Variants in FAM228B observed in about 807,000 individuals in gnomAD.
FAM228B encodes the protein family with sequence similarity 228 member B, also known as protein FAM228B.
Under a neutral mutation model 42.6 loss-of-function variants are expected in FAM228B, and 38 were observed. That is an observed-to-expected ratio of 0.89 (90% CI 0.69 to 1.17). FAM228B has a LOEUF of 1.17. Among genes scored for constraint, FAM228B ranks in the 50% most tolerant of loss-of-function variants. The pLI is 0.00. For missense variants in FAM228B, 344 were observed against 367.3 expected (o/e 0.94, Z 0.52); for synonymous variants, 109 against 122.3 (o/e 0.89, Z 0.72).
rs201865216 is a variant in FAM228B at position 24,077,647 on chromosome 2, G to C, written c.-290+678G>C. 1.9e-4 allele frequency: 311 copies of C among 1,614,124 alleles called. 3 individuals are homozygous for C. In the Middle Eastern group the frequency reaches 8.9e-3, roughly 46 times the overall value. On this transcript the variant is annotated intron_variant, in intron 1 of 10. Coordinates refer to the FAM228B transcript ENST00000613899. This position sits in a 1 kb window ranked among gnomAD's most constrained non-coding sequence, Gnocchi z 5.5. The stretch of plus-strand genomic sequence containing the variant: ...GCCTCCATGTACTTATGGGCCTCCT[G>C]GATTTCGGTCACTGGGTAGATTCTG...
At chr2:24,079,645 CATAGGAAACAGATTTGTG>C (rs1456121550) in intron 1 of FAM228B, 2 of 1,612,320 alleles carry the variant, frequency 1.2e-6, no homozygotes, top group African/African-American at 1.3e-5. Flanking sequence ...CAGCACCTTC[CATAGGAAACAGATTTGTG>C]ATGCTAGTCA....
intron 2 of FAM228B, among the ~76,000 whole-genome samples, chr2:24,086,536 C>T (rs889564940): frequency 6.7e-6 from 1 of 149,836 alleles, no homozygotes; most frequent in Non-Finnish European, 1.5e-5. Flanking sequence ...CTTTCTCTCT[C>T]TCTCTTTTTT....
intron 7 of FAM228B, among the ~76,000 whole-genome samples, chr2:24,151,700 T>G (rs1667027187): frequency 1.3e-5 from 2 of 151,722 alleles, no homozygotes; most frequent in Non-Finnish European, 2.9e-5. Context: ...TTTTTTTTTT[T>G]GAGTCGGAGT....
chr2:24,093,053 G>T (rs1340359834), intron 2 of FAM228B, among the ~76,000 whole-genome samples: 1 of 151,908 alleles, frequency 6.6e-6, no homozygotes, highest in Non-Finnish European at 1.5e-5. Flanking sequence ...CTTACTCCAG[G>T]TGGTAGTCTG....
At chr2:24,138,754 G>C (rs1032952583) in intron 4 of FAM228B, among the ~76,000 whole-genome samples, 6 of 150,994 alleles carry the variant, frequency 4.0e-5, no homozygotes, top group African/African-American at 1.5e-4. Flanking sequence ...TTGGGAGTTC[G>C]AGACCAGCCT....
intron 3 of FAM228B, among the ~76,000 whole-genome samples, chr2:24,107,871 A>C (rs929349247): frequency 2.0e-5 from 3 of 152,234 alleles, no homozygotes; most frequent in Admixed American, 6.5e-5. Context: ...AGACCTAGGA[A>C]TGCATGAGCA....
Position 24,161,968 on chromosome 2 carries a change from G to A in FAM228B, c.794+355G>A, listed in dbSNP as rs547845492. ...ATAAAAATTAGCCAGGCGTGGTGGT[G>A]GGCAACTATAATCCCAGCTATCTGG... On this transcript the variant is annotated intron_variant, in intron 8 of 10. Coordinates refer to ENST00000615575, the MANE Select transcript of FAM228B (RefSeq NM_001145710.2). Among the ~76,000 whole-genome samples, 3 of 151,652 alleles carry A rather than the reference G, an allele frequency of 2.0e-5. No homozygotes were observed. In the East Asian group the frequency reaches 5.8e-4, roughly 29 times the overall value.
chr2:24,140,716 C>G (rs1666721911), intron 5 of FAM228B, among the ~76,000 whole-genome samples: 1 of 151,742 alleles, frequency 6.6e-6, no homozygotes, highest in South Asian at 2.1e-4. Context: ...AATCCTAGCA[C>G]TTTGGGAGGC....
chr2:24,130,044 T>C (rs1394920002), intron 2 of FAM228B, among the ~76,000 whole-genome samples: 1 of 152,208 alleles, frequency 6.6e-6, no homozygotes, highest in Non-Finnish European at 1.5e-5. Flanking sequence ...CTCCCAGTTA[T>C]GAGTGAGAAC....
chr2:24,118,450 T>C (rs1665992244), intron 3 of FAM228B, among the ~76,000 whole-genome samples: 1 of 152,248 alleles, frequency 6.6e-6, no homozygotes, highest in African/African-American at 2.4e-5. Context: ...GATTTATTCA[T>C]CAAACATGTA....
chr2:24,168,749 G>T (rs537941962), intron 10 of FAM228B, among the ~76,000 whole-genome samples: 15 of 152,282 alleles, frequency 9.9e-5, no homozygotes, highest in African/African-American at 3.6e-4. Context: ...GCTGGAGAGA[G>T]AGGGGGTATA....
At chr2:24,094,402 A>G (rs1665453800) in intron 2 of FAM228B, among the ~76,000 whole-genome samples, 1 of 152,132 alleles carries the variant, frequency 6.6e-6, no homozygotes, top group Non-Finnish European at 1.5e-5. Context: ...GATATCTAAA[A>G]TTATTCACCT....
intron 7 of FAM228B, among the ~76,000 whole-genome samples, chr2:24,153,562 C>T (rs1011427647): frequency 3.4e-4 from 52 of 152,162 alleles, no homozygotes; most frequent in African/African-American, 1.1e-3. Flanking sequence ...AGCTGGTATC[C>T]GAGATGCAGG....
At chr2:24,092,008 G>A (rs1322194755) in intron 2 of FAM228B, among the ~76,000 whole-genome samples, 1 of 151,976 alleles carries the variant, frequency 6.6e-6, no homozygotes, top group Admixed American at 6.6e-5. Context: ...GAGGTGGGCA[G>A]ATCACTTGAA....
chr2:24,077,901 A>G lies in FAM228B; in HGVS notation c.-290+932A>G. 1.2e-6 allele frequency: 1 copy of G among 843,060 alleles called. No individual in the cohort carries two copies. Among genetic ancestry groups the G allele is most frequent in the Non-Finnish European group, 1.8e-6 (1 of 548,530 alleles). The allele number at this position is 843,060 out of a possible 1,614,324, so 52.2% of individuals were successfully genotyped here. On this transcript the variant is annotated intron_variant, in intron 1 of 10. Transcript: ENST00000613899. The surrounding 1 kb of genome is among the most constrained non-coding windows in gnomAD (Gnocchi z 5.5). Reference sequence around the variant, plus strand: ...GACACTTAACCCCTCACTTCCTAGCATGTGTGTGAAATACCCTTGAAGGAG... The same window carrying G: ...GACACTTAACCCCTCACTTCCTAGCGTGTGTGTGAAATACCCTTGAAGGAG...
intron 2 of FAM228B, among the ~76,000 whole-genome samples, chr2:24,129,565 G>T (rs1666403600): frequency 6.6e-6 from 1 of 151,572 alleles, no homozygotes; most frequent in Non-Finnish European, 1.5e-5. Context: ...ATTTCTAATA[G>T]TCTGTCTTCA....
chr2:24,121,296 G>A (rs200145580), upstream of FAM228B: 68 of 1,613,962 alleles, frequency 4.2e-5, no homozygotes, highest in East Asian at 1.3e-4. Flanking sequence ...ATCACTGGGC[G>A]TTACCTGGAG....
At chr2:24,155,424 GCTT>G (rs1558393155) in intron 7 of FAM228B, among the ~76,000 whole-genome samples, 1 of 146,698 alleles carries the variant, frequency 6.8e-6, no homozygotes, top group Admixed American at 6.8e-5. Context: ...CGGGTGACTG[GCTT>G]CTTCTATGAG....
chr2:24,126,341 T>G (rs1293383619), intron 2 of FAM228B, among the ~76,000 whole-genome samples: 2 of 152,250 alleles, frequency 1.3e-5, no homozygotes, highest in African/African-American at 4.8e-5. Flanking sequence ...ATAGTTTTAT[T>G]TATACTGATT....
Sources: allele counts gnomAD v4.1 joint callset (sites outside exome capture counted in the v4.1 genomes callset), GRCh38; gene constraint gnomAD v4.1.1; non-coding constraint Gnocchi (gnomAD v3.1); transcripts MANE v1.5; gene names NCBI Gene and HGNC (gene_info 2026-07-23, HGNC 2026-07-21).